Variants in HPCAL1 observed in about 807,000 individuals in gnomAD.
HPCAL1 encodes the protein hippocalcin-like protein 1.
Under a neutral mutation model 17.1 loss-of-function variants are expected in HPCAL1, and 8 were observed. The observed-to-expected ratio is 0.47, with a 90% CI of 0.27 to 0.84. HPCAL1 has a LOEUF of 0.84. Ranked by LOEUF, HPCAL1 falls within the 40% of genes least tolerant of loss-of-function variation. The pLI is 0.13. For synonymous variants in HPCAL1, 112 were observed against 111.4 expected (o/e 1.01, Z -0.03); for missense variants, 165 against 271.1 (o/e 0.61, Z 2.75).
chr2:10,416,195 A>C (rs952258490), intron 2 of HPCAL1, among the ~76,000 whole-genome samples: 1 of 152,190 alleles, frequency 6.6e-6, no homozygotes, highest in Non-Finnish European at 1.5e-5. Flanking sequence ...CCTTGCAAAG[A>C]CCCTAATTCA....
chr2:10,381,957 A>T (rs1033200834), intron 1 of HPCAL1, among the ~76,000 whole-genome samples: 1 of 152,240 alleles, frequency 6.6e-6, no homozygotes, highest in Non-Finnish European at 1.5e-5. Flanking sequence ...TGTCCACACA[A>T]AAACCTGCAC....
chr2:10,338,787 C>T (rs1179766367), intron 1 of HPCAL1, among the ~76,000 whole-genome samples: 1 of 152,170 alleles, frequency 6.6e-6, no homozygotes, highest in Non-Finnish European at 1.5e-5. Context: ...GGAGAGGTGG[C>T]GTCGCCTCCA....
intron 1 of HPCAL1, among the ~76,000 whole-genome samples, chr2:10,375,144 C>T (rs112755344): frequency 0.038 from 5,826 of 152,316 alleles, 145 homozygotes; most frequent in South Asian, 0.13. Flanking sequence ...ACCCACAGTC[C>T]TGTCGGGAGA....
At chr2:10,329,700 G>C (rs544294822) in intron 1 of HPCAL1, among the ~76,000 whole-genome samples, 1 of 152,226 alleles carries the variant, frequency 6.6e-6, no homozygotes, top group Non-Finnish European at 1.5e-5. Flanking sequence ...TTTTCCTCCA[G>C]TGTGATCCCT....
intron 1 of HPCAL1, among the ~76,000 whole-genome samples, chr2:10,382,249 AT>A (rs1667998567): frequency 6.6e-6 from 1 of 152,206 alleles, no homozygotes; most frequent in Admixed American, 6.5e-5. Context: ...GATGGAGATA[AT>A]AAACAGATCA....
At chr2:10,351,988 C>T (rs929973910) in intron 1 of HPCAL1, among the ~76,000 whole-genome samples, 2 of 151,214 alleles carry the variant, frequency 1.3e-5, no homozygotes, top group African/African-American at 2.4e-5. Context: ...CTGCAACCTC[C>T]ACCTCCTGGG....
chr2:10,382,720 G>A (rs1668039652), intron 1 of HPCAL1, among the ~76,000 whole-genome samples: 1 of 147,616 alleles, frequency 6.8e-6, no homozygotes, highest in Non-Finnish European at 1.5e-5. Flanking sequence ...TGGATGAGAA[G>A]CCGCATGCAC....
chr2:10,349,722 A>AAAAG (rs1665719878), intron 1 of HPCAL1, among the ~76,000 whole-genome samples: 1 of 138,904 alleles, frequency 7.2e-6, no homozygotes, highest in African/African-American at 2.5e-5. Flanking sequence ...AAAAAAAAAA[A>AAAAG]AAAAAAAAAA....
intron 1 of HPCAL1, among the ~76,000 whole-genome samples, chr2:10,380,006 C>T (rs1667840070): frequency 6.6e-6 from 1 of 152,182 alleles, no homozygotes; most frequent in South Asian, 2.1e-4. Flanking sequence ...AAGGTGGATT[C>T]CTGACCTGAG....
chr2:10,364,118 G>A lies in HPCAL1; in HGVS notation c.-110-32717G>A, dbSNP rs548022838. Among the ~76,000 whole-genome samples the A allele has an allele frequency of 3.1e-3, 472 of 152,312 alleles. 2 individuals carry two copies. Among genetic ancestry groups the A allele is most frequent in the African/African-American group, 9.5e-3 (395 of 41,576 alleles). On this transcript the variant is annotated intron_variant, in intron 1 of 4. Coordinates refer to ENST00000307845, the MANE Select transcript of HPCAL1 (RefSeq NM_002149.4). ...GGAGCTTGCAGTGACCTTGGAGATG[G>A]TAGTGACCTTGTCCTCCTGCCCTGC... is the stretch of plus-strand genomic sequence containing the variant.
At chr2:10,404,778 C>T (rs987752398) in intron 2 of HPCAL1, among the ~76,000 whole-genome samples, 2 of 152,236 alleles carry the variant, frequency 1.3e-5, no homozygotes, top group Non-Finnish European at 2.9e-5. Flanking sequence ...ACTCACCCTG[C>T]CCCAGCTGGA....
At chr2:10,364,211 C>T (rs1666704164) in intron 1 of HPCAL1, among the ~76,000 whole-genome samples, 1 of 152,184 alleles carries the variant, frequency 6.6e-6, no homozygotes, top group East Asian at 1.9e-4. Context: ...CGGGTGTCTG[C>T]CTGGGGTCGA....
rs1666384467 is a variant in HPCAL1 at position 10,359,424 on chromosome 2, T to C, written c.-110-37411T>C. ...CAACGCAGAGATTAAGAAGTTGAGA[T>C]GTCTTTGTTCCCAGAGGAAAGTCCC... On this transcript the variant is annotated intron_variant, in intron 1 of 4. Transcript: ENST00000307845. This position sits in a 1 kb window ranked among gnomAD's most constrained non-coding sequence, Gnocchi z 4.1. 6.6e-6 allele frequency among the ~76,000 whole-genome samples: 1 copy of C among 152,234 alleles called. No homozygotes were observed. The highest frequency in any genetic ancestry group is 1.9e-4 in the East Asian group (1 of 5,190).
At position 10,304,790 on chromosome 2, in the gene HPCAL1, A is replaced by C. The variant is rs1662512336; in HGVS notation, c.-111+1613A>C. ...CCTTGGTGTCTTTCTCTGGGGGAAA[A>C]AAATCGCCTTTAACCAAGGGAGCCA... is the stretch of plus-strand genomic sequence containing the variant. On this transcript the variant is annotated intron_variant, in intron 1 of 4. Transcript: ENST00000307845. This position sits in a 1 kb window ranked among gnomAD's most constrained non-coding sequence, Gnocchi z 4.1. 1.3e-5 allele frequency among the ~76,000 whole-genome samples: 2 copies of C among 152,124 alleles called. No individual in the cohort carries two copies. The highest frequency in any genetic ancestry group is 4.8e-5 in the African/African-American group (2 of 41,412).
chr2:10,371,983 G>C (rs942790519), intron 1 of HPCAL1, among the ~76,000 whole-genome samples: 1 of 152,174 alleles, frequency 6.6e-6, no homozygotes, highest in Non-Finnish European at 1.5e-5. Context: ...CTTCTTAGAG[G>C]GTGTTTCACA....
intron 4 of HPCAL1, chr2:10,424,207 G>A: frequency 3.1e-6 from 1 of 321,412 alleles, no homozygotes; most frequent in Admixed American, 4.0e-5. Flanking sequence ...GTTAAGCATG[G>A]CCCCAGCGGG....
intron 2 of HPCAL1, among the ~76,000 whole-genome samples, chr2:10,410,027 C>A (rs1158511901): frequency 1.4e-5 from 2 of 143,102 alleles, no homozygotes; most frequent in African/African-American, 5.0e-5. Flanking sequence ...TGAGCTCAGA[C>A]AATCCACTGC....
At chr2:10,326,079 C>A (rs1384295878) in intron 1 of HPCAL1, among the ~76,000 whole-genome samples, 1 of 152,228 alleles carries the variant, frequency 6.6e-6, no homozygotes, top group Non-Finnish European at 1.5e-5. Context: ...GTTCGTCAGG[C>A]CTGTCCGTCA....
intron 1 of HPCAL1, among the ~76,000 whole-genome samples, chr2:10,379,849 C>T (rs1667830766): frequency 6.6e-6 from 1 of 152,178 alleles, no homozygotes; most frequent in African/African-American, 2.4e-5. Flanking sequence ...ATTGAAGAGG[C>T]TTGAGCGCAC....
Sources: gnomAD v4.1 joint callset for allele counts (sites outside exome capture counted in the v4.1 genomes callset) on GRCh38, gnomAD v4.1.1 for gene constraint, Gnocchi (gnomAD v3.1) non-coding constraint, MANE v1.5 for transcripts, NCBI Gene and HGNC (gene_info 2026-07-23, HGNC 2026-07-21) for gene names.